Variants in KIAA1328 observed in about 807,000 individuals in gnomAD.
The protein encoded by KIAA1328 is protein hinderin.
A neutral mutation model predicts 68.1 loss-of-function variants in KIAA1328; 52 were observed. That is an observed-to-expected ratio of 0.76 (90% CI 0.61 to 0.96). The LOEUF (loss-of-function observed/expected upper bound fraction) is 0.96, where lower values mean the gene tolerates loss of function less well. Among genes scored for constraint, KIAA1328 ranks in the 40% least tolerant of loss-of-function variants. KIAA1328 has a pLI of 0.00. For missense variants in KIAA1328, 641 were observed against 677.6 expected, an observed-to-expected ratio of 0.95 and a Z score of 0.60; for synonymous variants, 232 against 239.4, an observed-to-expected ratio of 0.97 and a Z score of 0.28.
intron 7 of KIAA1328, among the ~76,000 whole-genome samples, chr18:37,138,501 G>A (rs577982540): frequency 6.6e-6 from 1 of 152,318 alleles, no homozygotes; most frequent in Non-Finnish European, 1.5e-5. Flanking sequence ...TTTGGCATAA[G>A]TAAATTAATC....
At chr18:36,981,593 T>G (rs1051260502) in intron 6 of KIAA1328, among the ~76,000 whole-genome samples, 6 of 152,024 alleles carry the variant, frequency 3.9e-5, no homozygotes, top group Non-Finnish European at 7.4e-5. Context: ...TTGAACTCTT[T>G]CTTTGTTTTT....
chr18:37,041,827 T>G (rs2055263678), intron 6 of KIAA1328, among the ~76,000 whole-genome samples: 1 of 152,202 alleles, frequency 6.6e-6, no homozygotes, highest in South Asian at 2.1e-4. Flanking sequence ...AAACTTTGTT[T>G]CAATGTAACA....
intron 7 of KIAA1328, among the ~76,000 whole-genome samples, chr18:37,114,073 AC>A (rs1476963435): frequency 1.3e-5 from 2 of 152,108 alleles, no homozygotes; most frequent in Non-Finnish European, 2.9e-5. Context: ...GACTTTAACA[AC>A]CCACTGTCAA....
chr18:37,165,725 G>A (rs1367482791), intron 8 of KIAA1328, among the ~76,000 whole-genome samples: 2 of 151,606 alleles, frequency 1.3e-5, no homozygotes, highest in Admixed American at 6.6e-5. Context: ...CCGAGTAGCT[G>A]GGACTACAGG....
intron 5 of KIAA1328, among the ~76,000 whole-genome samples, chr18:36,894,653 G>A (rs2048812031): frequency 6.6e-6 from 1 of 151,950 alleles, no homozygotes; most frequent in South Asian, 2.1e-4. Context: ...GCCCTCTCAA[G>A]TAGCTAGGAC....
intron 4 of KIAA1328, among the ~76,000 whole-genome samples, chr18:36,869,251 T>C (rs2047861457): frequency 6.6e-6 from 1 of 152,174 alleles, no homozygotes; most frequent in Admixed American, 6.5e-5. Flanking sequence ...TTTCAGGTGG[T>C]TGTTCTGAGC....
intron 6 of KIAA1328, among the ~76,000 whole-genome samples, chr18:36,997,661 G>C (rs1192014659): frequency 6.6e-6 from 1 of 152,172 alleles, no homozygotes; most frequent in African/African-American, 2.4e-5. Context: ...GGGTCCAGCA[G>C]TACCAGGACC....
chr18:36,949,721 T>A (rs2151221026), intron 5 of KIAA1328, among the ~76,000 whole-genome samples: 1 of 151,970 alleles, frequency 6.6e-6, no homozygotes, highest in East Asian at 1.9e-4. Context: ...CATGTTTTTG[T>A]TCAGGTGATC....
At chr18:37,170,603 G>A (rs2059481429) in intron 8 of KIAA1328, among the ~76,000 whole-genome samples, 1 of 152,020 alleles carries the variant, frequency 6.6e-6, no homozygotes, top group Admixed American at 6.6e-5. Context: ...CCTACCTCCT[G>A]CATCAAATGT....
intron 6 of KIAA1328, among the ~76,000 whole-genome samples, chr18:37,036,234 T>A (rs773715622): frequency 6.6e-6 from 1 of 152,214 alleles, no homozygotes; most frequent in Non-Finnish European, 1.5e-5. Context: ...CATTGAAAGG[T>A]AACGTTGTTA....
chr18:37,029,354 T>A (rs907603747), intron 6 of KIAA1328, among the ~76,000 whole-genome samples: 2 of 152,046 alleles, frequency 1.3e-5, no homozygotes, highest in Non-Finnish European at 2.9e-5. Flanking sequence ...TTGGTGGCAA[T>A]GTCTGCCTCG....
At chr18:37,191,741 C>T (rs1256243383) in intron 9 of KIAA1328, among the ~76,000 whole-genome samples, 5 of 151,372 alleles carry the variant, frequency 3.3e-5, no homozygotes, top group Non-Finnish European at 5.9e-5. Context: ...TTAACCCAAA[C>T]GTACAGGTGT....
chr18:37,195,854 G>A (rs1169412230), intron 9 of KIAA1328, among the ~76,000 whole-genome samples: 1 of 152,170 alleles, frequency 6.6e-6, no homozygotes, highest in Non-Finnish European at 1.5e-5. Context: ...TTGATACTTT[G>A]ATAGGGATGG....
At chr18:36,843,558 C>G (rs899362833) in intron 3 of KIAA1328, among the ~76,000 whole-genome samples, 1 of 152,132 alleles carries the variant, frequency 6.6e-6, no homozygotes, top group Non-Finnish European at 1.5e-5. Flanking sequence ...TTAAAGAGCA[C>G]AGACTCTGGA....
chr18:37,100,363 A>G (rs2057568864), intron 7 of KIAA1328, among the ~76,000 whole-genome samples: 1 of 152,232 alleles, frequency 6.6e-6, no homozygotes, highest in African/African-American at 2.4e-5. Context: ...ACGGCACACC[A>G]GGAGAATATA....
At chr18:36,942,413 G>C (rs545369902) in intron 5 of KIAA1328, among the ~76,000 whole-genome samples, 2 of 152,176 alleles carry the variant, frequency 1.3e-5, no homozygotes, top group Non-Finnish European at 1.5e-5. Flanking sequence ...TAGAGACATA[G>C]AACAAACCTT....
At chr18:37,055,892 A>C (rs2151685890) in intron 6 of KIAA1328, among the ~76,000 whole-genome samples, 1 of 152,366 alleles carries the variant, frequency 6.6e-6, no homozygotes, top group Non-Finnish European at 1.5e-5. Context: ...TAGAGAATGA[A>C]TAGCAATAAG....
rs765996717 is a variant in KIAA1328 at position 37,224,556 on chromosome 18, A to T, written c.*2329A>T. ...ATATAATCTAATGTCTTCATTATTA[A>T]TTGAATAGTACATGTTAACATTTTA... is the stretch of plus-strand genomic sequence containing the variant. On this transcript the variant is annotated 3_prime_UTR_variant, in exon 10 of 10. Coordinates refer to ENST00000280020, the MANE Select transcript of KIAA1328 (RefSeq NM_020776.3). 32 of 969,284 alleles carry T rather than the reference A, an allele frequency of 3.3e-5. No individual in the cohort carries two copies. The highest frequency in any genetic ancestry group is 3.8e-5 in the Non-Finnish European group (31 of 815,348). The allele number at this position is 969,284 out of a possible 1,614,324, so 60.0% of individuals were successfully genotyped here.
intron 8 of KIAA1328, among the ~76,000 whole-genome samples, chr18:37,167,344 C>T (rs972410772): frequency 6.6e-6 from 1 of 152,142 alleles, no homozygotes; most frequent in Non-Finnish European, 1.5e-5. Context: ...TTCTGTATCC[C>T]GGGTTCTTGC....
Sources: gnomAD v4.1 joint callset for allele counts (sites outside exome capture counted in the v4.1 genomes callset) on GRCh38, gnomAD v4.1.1 for gene constraint, MANE v1.5 for transcripts, NCBI Gene and HGNC (gene_info 2026-07-23, HGNC 2026-07-21) for gene names.